The following DTNB variants were observed in gnomAD, a reference collection of about 807,000 sequenced individuals.
The protein encoded by DTNB is dystrobrevin beta.
DTNB carries 63 observed loss-of-function variants against 90.7 expected under a neutral mutation model. The ratio of observed to expected loss-of-function variants is 0.69; its 90% CI spans 0.57 to 0.86. The LOEUF (loss-of-function observed/expected upper bound fraction) is 0.86. DTNB is among the 40% of genes least tolerant of loss of function. The pLI, the probability that DTNB is intolerant of heterozygous loss-of-function variation, is 0.00. For missense variants in DTNB, 744 were observed against 807.1 expected, an observed-to-expected ratio of 0.92 and a Z score of 0.95; for synonymous variants, 277 against 286.7, an observed-to-expected ratio of 0.97 and a Z score of 0.34.
At chr2:25,583,636 C>A (rs2061901821) in intron 6 of DTNB, among the ~76,000 whole-genome samples, 1 of 151,984 alleles carries the variant, frequency 6.6e-6, no homozygotes, top group South Asian at 2.1e-4. Context: ...ATTCTTCTGC[C>A]TCAGCCTCCC....
chr2:25,431,187 C>T (rs2053730617), intron 14 of DTNB, among the ~76,000 whole-genome samples: 1 of 151,666 alleles, frequency 6.6e-6, no homozygotes, highest in African/African-American at 2.4e-5. Flanking sequence ...TGAGGACATT[C>T]TCCTACTTTC....
At chr2:25,396,689 C>T (rs964192621) in intron 16 of DTNB, among the ~76,000 whole-genome samples, 17 of 147,818 alleles carry the variant, frequency 1.2e-4, no homozygotes, top group Admixed American at 6.8e-5. Flanking sequence ...CTGCCCCTCC[C>T]GCCATGTTCC....
chr2:25,612,389 C>T (rs569860919), intron 4 of DTNB, among the ~76,000 whole-genome samples: 11 of 152,076 alleles, frequency 7.2e-5, no homozygotes, highest in African/African-American at 1.7e-4. Context: ...CACTGGTTGC[C>T]GCCAGGGTGG....
At chr2:25,389,846 T>TTGTGTGTG (rs68107964) in intron 16 of DTNB, among the ~76,000 whole-genome samples, 29 of 96,004 alleles carry the variant, frequency 3.0e-4, no homozygotes, top group African/African-American at 8.6e-4. Flanking sequence ...TTTGAATCAT[T>TTGTGTGTG]TGTGTGTGTG....
intron 8 of DTNB, among the ~76,000 whole-genome samples, chr2:25,542,133 G>A (rs1360669406): frequency 6.6e-6 from 1 of 151,944 alleles, no homozygotes; most frequent in African/African-American, 2.4e-5. Flanking sequence ...TTTTTGTTTT[G>A]AGACTGAGTC....
intron 3 of DTNB, among the ~76,000 whole-genome samples, chr2:25,631,533 A>C (rs1447379008): frequency 6.6e-6 from 1 of 151,856 alleles, no homozygotes; most frequent in Admixed American, 6.6e-5. Context: ...TGATTGTGTC[A>C]CTGCACTTCA....
Position 25,432,976 on chromosome 2 carries a change from C to T in DTNB, c.1367G>A (p.Arg456His), listed in dbSNP as rs374894219. Residue 456 changes from arginine to histidine, a missense_variant, in exon 14 of 21, where the codon CGT becomes CAT. Arg to His is a conservative substitution (Grantham distance 29). Coordinates refer to ENST00000406818, the MANE Select transcript of DTNB (RefSeq NM_021907.5). ...KNREILQEIQ[R>H]LRLEHEQASQ... Reference sequence around the variant, plus strand: ...GGCCTGCTCGTGTTCCAGGCGGAGACGCTGAATCTCCTGCAGGATCTCTCT... The same window carrying T: ...GGCCTGCTCGTGTTCCAGGCGGAGATGCTGAATCTCCTGCAGGATCTCTCT... The T allele has an allele frequency of 5.2e-5, 83 of 1,609,046 alleles. No homozygotes were observed. The highest frequency in any genetic ancestry group is 2.7e-4 in the East Asian group (12 of 44,868).
chr2:25,406,989 T>G (rs1281523841), intron 16 of DTNB, among the ~76,000 whole-genome samples: 2 of 152,092 alleles, frequency 1.3e-5, no homozygotes, highest in Non-Finnish European at 2.9e-5. Flanking sequence ...TAACAGAAAA[T>G]TATATATACA....
At chr2:25,621,019 C>T (rs1559267369) in intron 4 of DTNB, among the ~76,000 whole-genome samples, 1 of 152,042 alleles carries the variant, frequency 6.6e-6, no homozygotes, top group Non-Finnish European at 1.5e-5. Context: ...AGAGCAAGAC[C>T]TTGTCTCTTA....
intron 16 of DTNB, among the ~76,000 whole-genome samples, chr2:25,404,565 C>T (rs2044566859): frequency 6.6e-6 from 1 of 151,972 alleles, no homozygotes; most frequent in Admixed American, 6.6e-5. Context: ...TAATAGGCCA[C>T]AGATAAGGGC....
At chr2:25,600,737 C>A (rs562363637) in intron 5 of DTNB, among the ~76,000 whole-genome samples, 2 of 152,200 alleles carry the variant, frequency 1.3e-5, no homozygotes, top group African/African-American at 4.8e-5. Context: ...TAGGTATACA[C>A]CCACACCAAC....
rs147603821 is a variant in DTNB, at chr2:25,553,366, C to T, written c.877-21769G>A. Among the ~76,000 whole-genome samples, 649 of 152,238 alleles carry T rather than the reference C, an allele frequency of 4.3e-3. 4 individuals carry two copies. Among genetic ancestry groups the T allele is most frequent in the African/African-American group, 0.015 (608 of 41,524 alleles). The stretch of plus-strand genomic sequence containing the variant: ...ACTGGTAAGCTATAATTTTGATTAA[C>T]ATATGAGAGAAATATAATCCATGTA... On this transcript the variant is annotated intron_variant, in intron 8 of 20. Coordinates refer to ENST00000406818, the MANE Select transcript of DTNB (RefSeq NM_021907.5).
intron 6 of DTNB, among the ~76,000 whole-genome samples, chr2:25,585,902 C>A (rs1196690834): frequency 2.0e-5 from 3 of 152,174 alleles, no homozygotes; most frequent in African/African-American, 7.2e-5. Context: ...TATTTTCACA[C>A]TGAATTTCCC....
At chr2:25,433,570 T>C (rs1188102727) in intron 13 of DTNB, among the ~76,000 whole-genome samples, 1 of 151,612 alleles carries the variant, frequency 6.6e-6, no homozygotes, top group Non-Finnish European at 1.5e-5. Context: ...CATAGCATAA[T>C]GGGTCAGGAC....
chr2:25,598,414 C>T (rs973326205), intron 5 of DTNB, among the ~76,000 whole-genome samples: 3 of 152,134 alleles, frequency 2.0e-5, no homozygotes, highest in African/African-American at 7.2e-5. Flanking sequence ...AAAATTAAAC[C>T]TCAACTTTGT....
chr2:25,627,385 G>T (rs1385791031), intron 4 of DTNB, among the ~76,000 whole-genome samples: 1 of 151,916 alleles, frequency 6.6e-6, no homozygotes, highest in Non-Finnish European at 1.5e-5. Context: ...TTGCACTCCA[G>T]CCTGGGCAAC....
At chr2:25,616,244 C>T (rs761573375) in intron 4 of DTNB, among the ~76,000 whole-genome samples, 7 of 152,202 alleles carry the variant, frequency 4.6e-5, no homozygotes, top group Non-Finnish European at 2.9e-5. Context: ...TGAGAAGAGA[C>T]TTACCTCATT....
At chr2:25,480,001 AGAG>A (rs1037845240) in intron 10 of DTNB, among the ~76,000 whole-genome samples, 1 of 152,134 alleles carries the variant, frequency 6.6e-6, no homozygotes, top group African/African-American at 2.4e-5. Flanking sequence ...GTCCACATTC[AGAG>A]GAGGGAAGAA....
At chr2:25,522,843 G>A (rs1235539636) in intron 9 of DTNB, among the ~76,000 whole-genome samples, 1 of 151,906 alleles carries the variant, frequency 6.6e-6, no homozygotes, top group East Asian at 1.9e-4. Context: ...TGGGATTACA[G>A]GGGCCTACCA....
Sources: gnomAD v4.1 joint callset for allele counts (sites outside exome capture counted in the v4.1 genomes callset) on GRCh38, gnomAD v4.1.1 for gene constraint, MANE v1.5 for transcripts, NCBI Gene and HGNC (gene_info 2026-07-23, HGNC 2026-07-21) for gene names.